Variants in RASGRF2 observed in about 807,000 individuals in gnomAD.
The protein encoded by RASGRF2 is Ras protein specific guanine nucleotide releasing factor 2.
RASGRF2 carries 76 observed loss-of-function variants against 151.0 expected under a neutral mutation model. That is an observed-to-expected ratio of 0.50 (90% CI 0.42 to 0.61). The LOEUF (loss-of-function observed/expected upper bound fraction) is 0.61. RASGRF2 is among the 20% of genes least tolerant of loss of function. RASGRF2 has a pLI of 0.00. For synonymous variants in RASGRF2, 504 were observed against 566.5 expected, an observed-to-expected ratio of 0.89 and a Z score of 1.57; for missense variants, 1,148 against 1,564.6, an observed-to-expected ratio of 0.73 and a Z score of 4.49.
At chr5:81,178,692 A>G (rs1754838074) in intron 17 of RASGRF2, among the ~76,000 whole-genome samples, 1 of 152,174 alleles carries the variant, frequency 6.6e-6, no homozygotes, top group Non-Finnish European at 1.5e-5. Context: ...AGCTTCGAGT[A>G]GGATGTAGAG....
At chr5:81,076,840 A>G (rs1285142650) in intron 5 of RASGRF2, among the ~76,000 whole-genome samples, 1 of 152,218 alleles carries the variant, frequency 6.6e-6, no homozygotes, top group Non-Finnish European at 1.5e-5. Context: ...AGCTTGTGTT[A>G]GCTTATTAGG....
intron 17 of RASGRF2, among the ~76,000 whole-genome samples, chr5:81,169,207 C>T (rs1323202670): frequency 6.6e-6 from 1 of 152,202 alleles, no homozygotes. Flanking sequence ...GAAGTGGTAT[C>T]ATCATCTACC....
At chr5:81,102,973 C>A (rs1272576198) in intron 12 of RASGRF2, among the ~76,000 whole-genome samples, 2 of 151,996 alleles carry the variant, frequency 1.3e-5, no homozygotes, top group East Asian at 3.9e-4. Context: ...GTAGAATTAG[C>A]GCTACAAGAA....
chr5:81,157,432 A>T (rs950954588), intron 17 of RASGRF2, among the ~76,000 whole-genome samples: 2 of 152,108 alleles, frequency 1.3e-5, no homozygotes, highest in Admixed American at 6.6e-5. Flanking sequence ...AGTACCAAAC[A>T]TTGCTGAGAG....
chr5:81,011,335 G>A (rs991946285), intron 1 of RASGRF2, among the ~76,000 whole-genome samples: 6 of 151,796 alleles, frequency 4.0e-5, no homozygotes, highest in African/African-American at 1.5e-4. Flanking sequence ...TTTAGCTATC[G>A]CTTTATTGGT....
chr5:81,005,279 C>T (rs1165300046), intron 1 of RASGRF2, among the ~76,000 whole-genome samples: 9 of 152,160 alleles, frequency 5.9e-5, no homozygotes, highest in African/African-American at 1.7e-4. Flanking sequence ...ACAATCATGG[C>T]GGAAGGGGAA....
chr5:81,005,515 C>A (rs1749240335), intron 1 of RASGRF2, among the ~76,000 whole-genome samples: 1 of 152,024 alleles, frequency 6.6e-6, no homozygotes, highest in Non-Finnish European at 1.5e-5. Flanking sequence ...GGGGCACAGC[C>A]AAACCATATC....
chr5:81,148,766 A>G (rs544430409), intron 17 of RASGRF2, among the ~76,000 whole-genome samples: 1 of 152,038 alleles, frequency 6.6e-6, no homozygotes, highest in Non-Finnish European at 1.5e-5. Context: ...TGGCACATGT[A>G]TACATATGTA....
At chr5:81,086,788 C>T (rs1168732503) in intron 8 of RASGRF2, 47 bp from the exon 9 acceptor site, 3 of 1,459,800 alleles carry the variant, frequency 2.1e-6, no homozygotes, top group Non-Finnish European at 2.9e-6. Flanking sequence ...CATGCTAGGG[C>T]AAGAGAAAAT....
At chr5:81,162,333 G>A (rs564770259) in intron 17 of RASGRF2, among the ~76,000 whole-genome samples, 30 of 151,932 alleles carry the variant, frequency 2.0e-4, no homozygotes, top group Non-Finnish European at 3.7e-4. Context: ...ATGTGCTGGG[G>A]GGTTTTTTTG....
At chr5:81,185,687 G>C (rs1755011678) in intron 18 of RASGRF2, among the ~76,000 whole-genome samples, 1 of 152,120 alleles carries the variant, frequency 6.6e-6, no homozygotes, top group Non-Finnish European at 1.5e-5. Flanking sequence ...GCTTTCCCCT[G>C]GACCTGAGGT....
intron 1 of RASGRF2, among the ~76,000 whole-genome samples, chr5:81,031,117 G>A (rs1750228813): frequency 6.6e-6 from 1 of 152,154 alleles, no homozygotes; most frequent in Admixed American, 6.5e-5. Flanking sequence ...AAATATATAT[G>A]CACCCAATCC....
intron 17 of RASGRF2, among the ~76,000 whole-genome samples, chr5:81,178,515 T>C (rs1754834369): frequency 6.6e-6 from 1 of 152,212 alleles, no homozygotes; most frequent in African/African-American, 2.4e-5. Flanking sequence ...AGAAGAGATC[T>C]GGAGATATAA....
intron 26 of RASGRF2, among the ~76,000 whole-genome samples, chr5:81,224,037 C>A (rs1361320257): frequency 6.6e-6 from 1 of 151,890 alleles, no homozygotes; most frequent in East Asian, 1.9e-4. Context: ...ATTTAAAAAT[C>A]AAAATATAAG....
At chr5:81,056,226 T>C (rs1454847974) in intron 2 of RASGRF2, among the ~76,000 whole-genome samples, 3 of 152,214 alleles carry the variant, frequency 2.0e-5, no homozygotes, top group Non-Finnish European at 4.4e-5. Flanking sequence ...TGTTAGGGTG[T>C]CAGTTTTAGA....
intron 17 of RASGRF2, among the ~76,000 whole-genome samples, chr5:81,146,525 A>G (rs1162432554): frequency 6.6e-6 from 1 of 152,114 alleles, no homozygotes; most frequent in African/African-American, 2.4e-5. Context: ...CATTGGTAGG[A>G]AAACAGGTGG....
chr5:81,118,526 T>C (rs191866717), intron 15 of RASGRF2, among the ~76,000 whole-genome samples: 93 of 152,310 alleles, frequency 6.1e-4, no homozygotes, highest in African/African-American at 2.2e-3. Flanking sequence ...TTTGGAGTCT[T>C]TCTCCCATTG....
chr5:81,205,356 A>G (rs1171266815), intron 19 of RASGRF2, among the ~76,000 whole-genome samples: 1 of 152,346 alleles, frequency 6.6e-6, no homozygotes, highest in East Asian at 1.9e-4. Context: ...CACAACCCTG[A>G]GCAACTTAGT....
chr5:80,986,383 G>A (rs889609688), intron 1 of RASGRF2, among the ~76,000 whole-genome samples: 1 of 152,114 alleles, frequency 6.6e-6, no homozygotes, highest in African/African-American at 2.4e-5. Flanking sequence ...GATATTGTTG[G>A]TTATTATCTG....
Sources: allele counts gnomAD v4.1 joint callset (sites outside exome capture counted in the v4.1 genomes callset), GRCh38; gene constraint gnomAD v4.1.1; transcripts MANE v1.5; gene names NCBI Gene and HGNC (gene_info 2026-07-23, HGNC 2026-07-21).